NEBL: variants seen among roughly 807,000 people sequenced by gnomAD.
The protein encoded by NEBL is nebulette.
A neutral mutation model predicts 140.2 loss-of-function variants in NEBL; 122 were observed. The ratio of observed to expected loss-of-function variants is 0.87; its 90% CI spans 0.75 to 1.01. The LOEUF (loss-of-function observed/expected upper bound fraction) is 1.01, where lower values mean the gene tolerates loss of function less well. NEBL is among the 50% of genes least tolerant of loss of function. NEBL has a pLI of 0.00. For missense variants in NEBL, 1,365 were observed against 1,231.3 expected, an observed-to-expected ratio of 1.11 and a Z score of -1.62; for synonymous variants, 436 against 398.9, an observed-to-expected ratio of 1.09 and a Z score of -1.11.
chr10:20,909,995 A>C (rs970703405), intron 4 of NEBL, among the ~76,000 whole-genome samples: 1 of 152,146 alleles, frequency 6.6e-6, no homozygotes, highest in Non-Finnish European at 1.5e-5. Context: ...TGTCAGCAAA[A>C]ATATCCCCTT....
At chr10:20,951,137 G>C (rs1348780208) in intron 4 of NEBL, among the ~76,000 whole-genome samples, 1 of 152,038 alleles carries the variant, frequency 6.6e-6, no homozygotes, top group Non-Finnish European at 1.5e-5. Context: ...AGCTGACTTT[G>C]TTACAATTGA....
At chr10:20,924,194 T>C (rs982895238) in intron 4 of NEBL, among the ~76,000 whole-genome samples, 4 of 151,994 alleles carry the variant, frequency 2.6e-5, no homozygotes, top group African/African-American at 9.7e-5. Context: ...GAGGCTCTTA[T>C]TGGCATTTCA....
At chr10:20,872,554 A>C (rs1845055552) in intron 5 of NEBL, among the ~76,000 whole-genome samples, 3 of 152,198 alleles carry the variant, frequency 2.0e-5, no homozygotes, top group Admixed American at 2.0e-4. Context: ...GAACCACAGC[A>C]ACTCCATCTT....
intron 4 of NEBL, among the ~76,000 whole-genome samples, chr10:20,950,502 A>G (rs539361886): frequency 6.6e-6 from 1 of 152,104 alleles, no homozygotes; most frequent in African/African-American, 2.4e-5. Flanking sequence ...TTTACATCCA[A>G]CCGAGGCCCT....
chr10:21,276,326 C>T (rs117181754), intron 1 of NEBL, among the ~76,000 whole-genome samples: 170 of 152,244 alleles, frequency 1.1e-3, no homozygotes, highest in Middle Eastern at 3.4e-3. Context: ...TCTACATGTC[C>T]AGGCTCTGCT....
intron 3 of NEBL, among the ~76,000 whole-genome samples, chr10:21,196,784 A>T (rs1841659403): frequency 6.6e-6 from 1 of 152,220 alleles, no homozygotes; most frequent in Non-Finnish European, 1.5e-5. Context: ...TGACAAAAAA[A>T]TAGTTTTAAC....
intron 3 of NEBL, among the ~76,000 whole-genome samples, chr10:20,967,644 G>A (rs924070446): frequency 6.6e-6 from 1 of 151,558 alleles, no homozygotes; most frequent in South Asian, 2.1e-4. Context: ...AAAAAAACAA[G>A]TGCATACTGG....
rs924477383 is a variant in NEBL, at chr10:20,783,828, T to C, written c.*1919A>G. On this transcript the variant is annotated 3_prime_UTR_variant, in exon 28 of 28. Transcript: ENST00000377122. The stretch of plus-strand genomic sequence containing the variant: ...ATATACCAAAACAGATATGGGGTTT[T>C]ATCACTTTAATCACGACTGGCCATT... The C allele has an allele frequency of 4.6e-5, 7 of 152,650 alleles. No homozygotes were observed. The highest frequency in any genetic ancestry group is 3.9e-4 in the Admixed American group (6 of 15,282). The allele number at this position is 152,650 out of a possible 1,614,324, so 9.5% of individuals were successfully genotyped here.
intron 2 of NEBL, among the ~76,000 whole-genome samples, chr10:21,050,886 T>C (rs1330204691): frequency 1.3e-5 from 2 of 152,174 alleles, no homozygotes. Flanking sequence ...GTTTCCTATG[T>C]TAAAAAATAA....
chr10:21,085,214 T>C (rs1836568645), intron 2 of NEBL, among the ~76,000 whole-genome samples: 1 of 152,240 alleles, frequency 6.6e-6, no homozygotes, highest in African/African-American at 2.4e-5. Context: ...CATTTATATT[T>C]CTTCCAAAAG....
intron 26 of NEBL, among the ~76,000 whole-genome samples, chr10:20,795,727 T>C (rs931073743): frequency 8.5e-5 from 13 of 152,300 alleles, no homozygotes; most frequent in Admixed American, 6.5e-4. Context: ...TCCCACTGAG[T>C]GACAACAGCT....
intron 3 of NEBL, among the ~76,000 whole-genome samples, chr10:20,980,465 ACAGG>A (rs1392663536): frequency 6.6e-6 from 1 of 152,226 alleles, no homozygotes; most frequent in Non-Finnish European, 1.5e-5. Context: ...AGAAAAATAA[ACAGG>A]CAGATGTACA....
chr10:21,223,128 A>G (rs925248151), intron 3 of NEBL, among the ~76,000 whole-genome samples: 10 of 152,214 alleles, frequency 6.6e-5, no homozygotes, highest in African/African-American at 2.2e-4. Flanking sequence ...GTGCCATCAA[A>G]TACTGGATCT....
At chr10:21,131,610 G>T (rs971069491) in intron 2 of NEBL, among the ~76,000 whole-genome samples, 43 of 152,146 alleles carry the variant, frequency 2.8e-4, no homozygotes, top group African/African-American at 9.4e-4. Context: ...TGTGGAAAGA[G>T]ACAACATTTC....
chr10:20,844,944 T>G (rs1191950300), intron 12 of NEBL, among the ~76,000 whole-genome samples: 1 of 152,086 alleles, frequency 6.6e-6, no homozygotes, highest in Non-Finnish European at 1.5e-5. Context: ...AAACATTTTT[T>G]TAAAAACTGC....
intron 2 of NEBL, among the ~76,000 whole-genome samples, chr10:21,135,933 C>T (rs757990368): frequency 6.6e-5 from 10 of 152,208 alleles, no homozygotes; most frequent in African/African-American, 9.6e-5. Flanking sequence ...GGCAGCCTAT[C>T]CCTGAGGCAG....
Position 21,019,951 on chromosome 10 carries a change from T to C in NEBL, c.249+166A>G, listed in dbSNP as rs544492091. On this transcript the variant is annotated intron_variant, in intron 3 of 6. Transcript: ENST00000417816. ...CAGGACAATTCAAGACCGGGAACAG[T>C]ACAGATGTTCAACACTTTCACCCGG... Among the ~76,000 whole-genome samples the C allele has an allele frequency of 4.6e-5, 7 of 152,280 alleles. No individual in the cohort carries two copies. In the South Asian group the frequency reaches 1.0e-3, roughly 23 times the overall value.
intron 1 of NEBL, among the ~76,000 whole-genome samples, chr10:21,283,516 G>A (rs1225447817): frequency 6.6e-6 from 1 of 152,110 alleles, no homozygotes; most frequent in African/African-American, 2.4e-5. Flanking sequence ...GCCTCTTGGG[G>A]TCTGGATCTG....
rs1396613955 is a variant in NEBL, at chr10:20,809,901, T to C, written c.2519-3A>G. 6.2e-7 allele frequency: 1 copy of C among 1,609,074 alleles called. No homozygotes were observed. The highest frequency in any genetic ancestry group is 1.7e-5 in the Admixed American group (1 of 59,766). ...ATCTGTGCGCCAAACTTTGAGGTCTTTTGCCAAAAGGAAGAAATCAACACT... is the reference window on the plus strand; with the variant it reads ...ATCTGTGCGCCAAACTTTGAGGTCTCTTGCCAAAAGGAAGAAATCAACACT... On this transcript the variant is annotated splice_region_variant and splice_polypyrimidine_tract_variant and intron_variant, in intron 24 of 27. Coordinates refer to ENST00000377122, the MANE Select transcript of NEBL (RefSeq NM_006393.3).
Sources: allele counts gnomAD v4.1 joint callset (sites outside exome capture counted in the v4.1 genomes callset), GRCh38; gene constraint gnomAD v4.1.1; transcripts MANE v1.5; gene names NCBI Gene and HGNC (gene_info 2026-07-23, HGNC 2026-07-21).